Variants in HERC3 observed in about 807,000 individuals in gnomAD.
HERC3 encodes probable E3 ubiquitin-protein ligase HERC3.
A neutral mutation model predicts 129.9 loss-of-function variants in HERC3; 58 were observed. The ratio of observed to expected loss-of-function variants is 0.45; its 90% CI spans 0.36 to 0.56. The LOEUF is 0.56. Ranked by LOEUF, HERC3 falls within the 20% of genes least tolerant of loss-of-function variation. HERC3 has a pLI of 0.00. For synonymous variants in HERC3, 430 were observed against 451.0 expected (o/e 0.95, Z 0.59); for missense variants, 835 against 1,244.2 (o/e 0.67, Z 4.95).
chr4:88,668,182 C>A, intron 14 of HERC3, 101 bp downstream of exon 14: 1 of 944,468 alleles, frequency 1.1e-6, no homozygotes, highest in Non-Finnish European at 1.6e-6. Context: ...CTATTTGTTG[C>A]CATTTAATAT....
At chr4:88,571,054 G>C in the HERC3 span, among the ~76,000 whole-genome samples, 1 of 151,924 alleles carries the variant, frequency 6.6e-6, no homozygotes, top group East Asian at 1.9e-4. Flanking sequence ...CACCGTGCCC[G>C]GCCTCCTATT....
chr4:88,587,433 G>C, the HERC3 span, among the ~76,000 whole-genome samples: 3 of 152,114 alleles, frequency 2.0e-5, no homozygotes, highest in Admixed American at 6.5e-5. Flanking sequence ...TTGTTACAAG[G>C]GACAACACAA....
rs1057237883 is a variant in HERC3 at position 88,704,100 on chromosome 4, A to G, written c.2660A>G (p.Gln887Arg). The change falls in exon 24 of 26, where the codon CAG (glutamine) becomes CGG (arginine). Residue 887 changes from glutamine to arginine, a missense_variant and splice_region_variant. Transcript: ENST00000402738. ...DNVTVCKDNRQEFVDAYVNYV... is the reference protein window; with the variant it reads ...DNVTVCKDNRREFVDAYVNYV... ...TATTTTCTTTTGTGTTCTGGCAGGC[A>G]GGAATTTGTGGATGCTTATGTGAAT... 1.2e-6 allele frequency: 2 copies of G among 1,613,472 alleles called. No homozygotes were observed. The highest frequency in any genetic ancestry group is 2.7e-5 in the African/African-American group (2 of 74,910).
chr4:88,664,511 G>C (rs530247722), intron 12 of HERC3, among the ~76,000 whole-genome samples: 4 of 152,056 alleles, frequency 2.6e-5, no homozygotes, highest in Admixed American at 2.6e-4. Flanking sequence ...GATGCTTTGC[G>C]CAAAAATTGG....
At chr4:88,635,368 A>G (rs922262908) in intron 3 of HERC3, among the ~76,000 whole-genome samples, 3 of 152,130 alleles carry the variant, frequency 2.0e-5, no homozygotes, top group Non-Finnish European at 2.9e-5. Flanking sequence ...ACAAGTATCA[A>G]TAGTTGAATC....
intron 3 of HERC3, among the ~76,000 whole-genome samples, chr4:88,638,979 C>T (rs1020643367): frequency 6.6e-6 from 1 of 152,122 alleles, no homozygotes. Context: ...AATGAATGAA[C>T]TCCCATTCAC....
At chr4:88,524,408 A>G in the HERC3 span, among the ~76,000 whole-genome samples, 3 of 152,186 alleles carry the variant, frequency 2.0e-5, no homozygotes, top group East Asian at 5.8e-4. Flanking sequence ...GGCAGATGTG[A>G]TCTGCCTGTT....
At chr4:88,542,325 T>C in the HERC3 span, among the ~76,000 whole-genome samples, 38 of 152,180 alleles carry the variant, frequency 2.5e-4, no homozygotes, top group African/African-American at 9.2e-4. Flanking sequence ...TCTACACAAA[T>C]AAACTAGAAA....
At chr4:88,524,166 A>G in the HERC3 span, among the ~76,000 whole-genome samples, 539 of 152,274 alleles carry the variant, frequency 3.5e-3, 3 homozygotes, top group Middle Eastern at 0.014. Context: ...CATTTGTTTC[A>G]TGTACATCTT....
chr4:88,670,127 G>T lies in HERC3; in HGVS notation c.1798-12G>T, dbSNP rs2149301192. ...GCCATGTTTCAGTTGTCTGTATTTT[G>T]TTCTTCATTAGGTAAATCTTAAAGT... On this transcript the variant is annotated splice_polypyrimidine_tract_variant and intron_variant, in intron 15 of 25. Transcript: ENST00000402738. 6.2e-7 allele frequency: 1 copy of T among 1,606,220 alleles called. No individual in the cohort carries two copies. Among genetic ancestry groups the T allele is most frequent in the Non-Finnish European group, 8.5e-7 (1 of 1,173,134 alleles).
At chr4:88,574,073 G>A in the HERC3 span, among the ~76,000 whole-genome samples, 14 of 152,036 alleles carry the variant, frequency 9.2e-5, no homozygotes, top group African/African-American at 3.1e-4. Flanking sequence ...TACCTCCTCC[G>A]CCCCCAGAAT....
intron 23 of HERC3, among the ~76,000 whole-genome samples, chr4:88,703,262 T>C (rs1256517640): frequency 3.3e-5 from 5 of 152,100 alleles, no homozygotes; most frequent in Admixed American, 2.6e-4. Flanking sequence ...CTCTTTCCAC[T>C]GTAAAGCTTT....
intron 16 of HERC3, among the ~76,000 whole-genome samples, chr4:88,672,064 G>A (rs576858267): frequency 1.3e-5 from 2 of 152,258 alleles, no homozygotes; most frequent in East Asian, 3.9e-4. Context: ...TGAGGAAATG[G>A]AAGTTAAACA....
chr4:88,683,461 G>A (rs1441707868), intron 21 of HERC3, among the ~76,000 whole-genome samples: 3 of 151,912 alleles, frequency 2.0e-5, no homozygotes, highest in African/African-American at 7.3e-5. Flanking sequence ...TAATTTTTTG[G>A]TAACTGAAAG....
intron 2 of HERC3, among the ~76,000 whole-genome samples, chr4:88,603,197 G>A (rs527631461): frequency 1.3e-5 from 2 of 149,468 alleles, no homozygotes; most frequent in African/African-American, 4.9e-5. Context: ...GGCTTCAATC[G>A]CTTTCTCTTT....
intron 3 of HERC3, among the ~76,000 whole-genome samples, chr4:88,634,981 C>A (rs1727210288): frequency 6.6e-6 from 1 of 152,072 alleles, no homozygotes; most frequent in African/African-American, 2.4e-5. Flanking sequence ...AAAGTCTCCA[C>A]AAAAATCCTT....
At chr4:88,530,694 A>G in the HERC3 span, among the ~76,000 whole-genome samples, 2 of 152,188 alleles carry the variant, frequency 1.3e-5, no homozygotes, top group African/African-American at 4.8e-5. Context: ...AATAATGTGG[A>G]CTTGAGTAAA....
chr4:88,679,666 C>T (rs1480466722), intron 19 of HERC3, among the ~76,000 whole-genome samples: 1 of 151,970 alleles, frequency 6.6e-6, no homozygotes, highest in Non-Finnish European at 1.5e-5. Flanking sequence ...TACAGGTGCC[C>T]ACCACCATGC....
intron 3 of HERC3, among the ~76,000 whole-genome samples, chr4:88,620,400 C>G (rs1001535431): frequency 2.6e-5 from 4 of 152,220 alleles, no homozygotes; most frequent in African/African-American, 9.6e-5. Flanking sequence ...TTCTTCATCT[C>G]TGTAAATGGC....
Sources: allele counts gnomAD v4.1 joint callset (sites outside exome capture counted in the v4.1 genomes callset), GRCh38; gene constraint gnomAD v4.1.1; transcripts MANE v1.5; gene names NCBI Gene and HGNC (gene_info 2026-07-23, HGNC 2026-07-21).